The following CAMTA1 variants were observed in gnomAD, a reference collection of about 807,000 sequenced individuals.
CAMTA1 encodes calmodulin-binding transcription activator 1.
A neutral mutation model predicts 170.9 loss-of-function variants in CAMTA1; 27 were observed. The ratio of observed to expected loss-of-function variants is 0.16; its 90% CI spans 0.12 to 0.22. CAMTA1 has a LOEUF of 0.22. CAMTA1 is among the 10% of genes least tolerant of loss of function. The pLI is 1.00. For synonymous variants in CAMTA1, 833 were observed against 891.5 expected (o/e 0.93, Z 1.17); for missense variants, 1,619 against 2,217.2 (o/e 0.73, Z 5.42).
At chr1:6,860,698 G>A (rs1225773513) in intron 3 of CAMTA1, among the ~76,000 whole-genome samples, 1 of 152,180 alleles carries the variant, frequency 6.6e-6, no homozygotes. Context: ...TTACTTGGAG[G>A]TCAGGAGTTC....
intron 4 of CAMTA1, among the ~76,000 whole-genome samples, chr1:7,141,804 T>C (rs1244658839): frequency 6.6e-6 from 1 of 152,214 alleles, no homozygotes; most frequent in Non-Finnish European, 1.5e-5. Context: ...GGCAGAAGGA[T>C]GAGAGACAGG....
intron 4 of CAMTA1, among the ~76,000 whole-genome samples, chr1:7,147,480 G>A (rs1646274440): frequency 6.7e-6 from 1 of 149,386 alleles, no homozygotes; most frequent in Admixed American, 6.7e-5. Flanking sequence ...CATATACCAT[G>A]CACACACAAA....
intron 6 of CAMTA1, among the ~76,000 whole-genome samples, chr1:7,519,554 C>T (rs551256285): frequency 2.0e-5 from 3 of 151,960 alleles, no homozygotes; most frequent in Non-Finnish European, 2.9e-5. Flanking sequence ...TCCTTGGCCC[C>T]GTCTCACTGA....
chr1:7,716,292 A>G (rs2149723036), intron 11 of CAMTA1, among the ~76,000 whole-genome samples: 1 of 152,288 alleles, frequency 6.6e-6, no homozygotes, highest in East Asian at 1.9e-4. Context: ...CTCAGCCTCA[A>G]AGTGCTGGGA....
intron 5 of CAMTA1, among the ~76,000 whole-genome samples, chr1:7,387,062 TTCTCTTCCTGGGC>T (rs921316225): frequency 2.6e-5 from 4 of 152,254 alleles, no homozygotes; most frequent in African/African-American, 9.6e-5. Flanking sequence ...CTTGGCTTCC[TTCTCTTCCTGGGC>T]TCTCTTCCTG....
chr1:7,378,319 G>A (rs760259121), intron 5 of CAMTA1, among the ~76,000 whole-genome samples: 3 of 152,202 alleles, frequency 2.0e-5, no homozygotes, highest in Non-Finnish European at 2.9e-5. Flanking sequence ...AGAGGAAGCC[G>A]TGTTACATAA....
At chr1:7,051,486 T>C (rs2101607502) in intron 3 of CAMTA1, among the ~76,000 whole-genome samples, 1 of 152,334 alleles carries the variant, frequency 6.6e-6, no homozygotes, top group East Asian at 1.9e-4. Context: ...CTGGTTCCTC[T>C]TGGCCCTTTG....
chr1:6,963,353 C>T (rs1010889967), intron 3 of CAMTA1, among the ~76,000 whole-genome samples: 4 of 144,416 alleles, frequency 2.8e-5, no homozygotes, highest in Non-Finnish European at 6.2e-5. Flanking sequence ...CCTCCTTGCC[C>T]GCGCCGCCCC....
chr1:7,548,675 C>A (rs2094745104), intron 6 of CAMTA1, among the ~76,000 whole-genome samples: 4 of 127,290 alleles, frequency 3.1e-5, no homozygotes, highest in Admixed American at 2.3e-4. Flanking sequence ...GGTGGAGATG[C>A]CCATGGAAGG....
chr1:7,265,740 A>G (rs562556704), intron 5 of CAMTA1, among the ~76,000 whole-genome samples: 1 of 152,364 alleles, frequency 6.6e-6, no homozygotes, highest in African/African-American at 2.4e-5. Context: ...TGCTACTAGC[A>G]AAGTTTAAAC....
intron 3 of CAMTA1, among the ~76,000 whole-genome samples, chr1:6,881,905 T>TG (rs1032946383): frequency 6.6e-6 from 1 of 152,080 alleles, no homozygotes; most frequent in Non-Finnish European, 1.5e-5. Flanking sequence ...AGGCAGAGGT[T>TG]GCAGTGAGTG....
chr1:7,719,664 C>A lies in CAMTA1; in HGVS notation c.2915-12784C>A, dbSNP rs115683643. On this transcript the variant is annotated intron_variant, in intron 11 of 22. Coordinates refer to ENST00000303635, the MANE Select transcript of CAMTA1 (RefSeq NM_015215.4). Reference sequence around the variant, plus strand: ...GTACAGCTTGTGCCTCATCTCCACCCGGCCCTTACCCTTCCCTCTGCACTT... The same window carrying A: ...GTACAGCTTGTGCCTCATCTCCACCAGGCCCTTACCCTTCCCTCTGCACTT... Among the ~76,000 whole-genome samples the A allele has an allele frequency of 4.1e-3, 632 of 152,308 alleles. 5 individuals carry two copies. Among genetic ancestry groups the A allele is most frequent in the African/African-American group, 0.013 (536 of 41,566 alleles).
At chr1:6,939,574 C>T (rs577985672) in intron 3 of CAMTA1, among the ~76,000 whole-genome samples, 2 of 152,362 alleles carry the variant, frequency 1.3e-5, no homozygotes, top group South Asian at 4.1e-4. Context: ...GCCTCCCGTC[C>T]TCTCTGTCTC....
In CAMTA1 at chr1:7,606,503, T is replaced by C. The variant is rs983368942; in HGVS notation, c.511-33897T>C. Among the ~76,000 whole-genome samples the C allele has an allele frequency of 3.0e-4, 45 of 152,234 alleles. 1 individual carries two copies. The highest frequency in any genetic ancestry group is 9.4e-4 in the African/African-American group (39 of 41,452). ...ACTTGCTGTATCTGTTTTCATTTTA[T>C]TTTCTTGAACAATTACCGCCAGCAT... On this transcript the variant is annotated intron_variant, in intron 6 of 22. Coordinates refer to ENST00000303635, the MANE Select transcript of CAMTA1 (RefSeq NM_015215.4).
At chr1:6,944,997 G>T (rs1461996481) in intron 3 of CAMTA1, among the ~76,000 whole-genome samples, 2 of 152,132 alleles carry the variant, frequency 1.3e-5, no homozygotes, top group African/African-American at 4.8e-5. Flanking sequence ...CCCATCGTAC[G>T]TCGAGGAGCG....
In CAMTA1 at chr1:7,562,838, A is replaced by G. The variant is rs895894610; in HGVS notation, c.511-77562A>G. On this transcript the variant is annotated intron_variant, in intron 6 of 22. Coordinates refer to ENST00000303635, the MANE Select transcript of CAMTA1 (RefSeq NM_015215.4). This position sits in a 1 kb window ranked among gnomAD's most constrained non-coding sequence, Gnocchi z 4.8. ...GGCGGACGGGATGACAGGCCCTCTA[A>G]CCCCACCGCCCACTCACCTGCAGCC... 6.6e-6 allele frequency among the ~76,000 whole-genome samples: 1 copy of G among 151,752 alleles called. No individual in the cohort carries two copies. The highest frequency in any genetic ancestry group is 1.5e-5 in the Non-Finnish European group (1 of 67,920).
intron 3 of CAMTA1, among the ~76,000 whole-genome samples, chr1:6,978,764 A>T (rs1402671694): frequency 6.6e-6 from 1 of 152,128 alleles, no homozygotes; most frequent in African/African-American, 2.4e-5. Context: ...TTTAGACAGG[A>T]TGGATGTATT....
chr1:7,153,745 T>C (rs913546515), intron 4 of CAMTA1, among the ~76,000 whole-genome samples: 5 of 152,218 alleles, frequency 3.3e-5, no homozygotes, highest in Admixed American at 3.3e-4. Context: ...TGAGGGCCAC[T>C]GCAAGTTCTT....
chr1:6,880,055 C>T (rs1671071905), intron 3 of CAMTA1, among the ~76,000 whole-genome samples: 1 of 151,518 alleles, frequency 6.6e-6, no homozygotes, highest in South Asian at 2.1e-4. Context: ...TTCTCTTTCT[C>T]TAGTAGGGTT....
Sources: allele counts gnomAD v4.1 joint callset (sites outside exome capture counted in the v4.1 genomes callset), GRCh38; gene constraint gnomAD v4.1.1; non-coding constraint Gnocchi (gnomAD v3.1); transcripts MANE v1.5; gene names NCBI Gene and HGNC (gene_info 2026-07-23, HGNC 2026-07-21).